Variants in UBAP2 observed in about 807,000 individuals in gnomAD.
UBAP2 encodes ubiquitin associated protein 2.
In UBAP2, 75 loss-of-function variants were observed where a neutral mutation model predicts 139.6. The ratio of observed to expected loss-of-function variants is 0.54; its 90% CI spans 0.45 to 0.65. The LOEUF (loss-of-function observed/expected upper bound fraction) is 0.65, where lower values mean the gene tolerates loss of function less well. Among genes scored for constraint, UBAP2 ranks in the 30% least tolerant of loss-of-function variants. The probability of loss-of-function intolerance (pLI) is 0.00; values close to 1 mark genes in which losing one functional copy is unlikely to be tolerated. For synonymous variants in UBAP2, 526 were observed against 526.2 expected (o/e 1.00, Z 0.01); for missense variants, 1,368 against 1,369.6 (o/e 1.00, Z 0.02).
intron 21 of UBAP2, 109 bp from the exon 22 acceptor site, chr9:33,926,773 A>C: frequency 8.4e-7 from 1 of 1,191,650 alleles, no homozygotes; most frequent in Non-Finnish European, 1.3e-6. Flanking sequence ...ACACCCGGGA[A>C]TGGGATCTGG....
At chr9:34,004,438 T>C (rs1002538350) in intron 2 of UBAP2, among the ~76,000 whole-genome samples, 1 of 151,406 alleles carries the variant, frequency 6.6e-6, no homozygotes, top group Non-Finnish European at 1.5e-5. Flanking sequence ...TGAGCCAAGA[T>C]GGCGCCACTG....
At chr9:33,983,943 ACT>A in intron 6 of UBAP2, among the ~76,000 whole-genome samples, 1 of 151,630 alleles carries the variant, frequency 6.6e-6, no homozygotes, top group East Asian at 1.9e-4. Context: ...ACAGAGCATC[ACT>A]CTGTCACACA....
intron 10 of UBAP2, among the ~76,000 whole-genome samples, chr9:33,960,421 GAGATA>G (rs1484363009): frequency 6.6e-6 from 1 of 152,140 alleles, no homozygotes; most frequent in Non-Finnish European, 1.5e-5. Context: ...AAGCCAAGAT[GAGATA>G]AGATGTCTCA....
intron 4 of UBAP2, among the ~76,000 whole-genome samples, chr9:33,990,754 A>G (rs1353918673): frequency 6.7e-6 from 1 of 149,436 alleles, no homozygotes; most frequent in African/African-American, 2.5e-5. Flanking sequence ...CTCCTGTCTC[A>G]GCCTCCCGAG....
At chr9:33,925,264 C>A (rs978470927) in intron 22 of UBAP2, among the ~76,000 whole-genome samples, 1 of 152,190 alleles carries the variant, frequency 6.6e-6, no homozygotes, top group African/African-American at 2.4e-5. Flanking sequence ...CCCATAGCAG[C>A]CTAGAACCCC....
intron 1 of UBAP2, among the ~76,000 whole-genome samples, chr9:34,021,837 T>A (rs554468062): frequency 6.6e-6 from 1 of 152,266 alleles, no homozygotes; most frequent in African/African-American, 2.4e-5. Context: ...TCTCAACTTG[T>A]TGGTCAGGCT....
chr9:33,933,549 C>T lies in UBAP2; in HGVS notation c.2049G>A (p.Leu683=). The part of the protein sequence containing the change: ...LPSTTSCTAL[L]PSTSQHTGDL... ...CGCCAGTGTGCTGGGATGTGGACGGCAGAAGTGCAGTGCAGGAGGTGGTGC... is the reference window on the plus strand; with the variant it reads ...CGCCAGTGTGCTGGGATGTGGACGGTAGAAGTGCAGTGCAGGAGGTGGTGC... Residue 683 remains leucine (L), a synonymous_variant, in exon 18 of 29, where the codon CTG becomes CTA. Coordinates refer to ENST00000379238, the MANE Select transcript of UBAP2 (RefSeq NM_001370062.2). 4 of 1,613,990 alleles carry T rather than the reference C, an allele frequency of 2.5e-6. No homozygotes were observed. Among genetic ancestry groups the T allele is most frequent in the Non-Finnish European group, 3.4e-6 (4 of 1,180,014 alleles).
intron 1 of UBAP2, among the ~76,000 whole-genome samples, chr9:34,037,784 G>A (rs1173103715): frequency 6.6e-6 from 1 of 151,944 alleles, no homozygotes; most frequent in Admixed American, 6.6e-5. Flanking sequence ...CACAAACCCT[G>A]ACTGGATGGG....
intron 2 of UBAP2, among the ~76,000 whole-genome samples, chr9:34,006,268 C>A (rs1391406852): frequency 6.6e-6 from 1 of 150,858 alleles, no homozygotes; most frequent in Non-Finnish European, 1.5e-5. Flanking sequence ...AAGAACTGGA[C>A]TCTAAAAGAA....
intron 2 of UBAP2, among the ~76,000 whole-genome samples, chr9:34,010,200 G>C (rs1181583020): frequency 3.4e-5 from 5 of 147,416 alleles, no homozygotes; most frequent in Non-Finnish European, 7.5e-5. Context: ...AAGGCGGGCA[G>C]ATCACCTGAG....
At chr9:34,008,922 G>A (rs1373681591) in intron 2 of UBAP2, among the ~76,000 whole-genome samples, 6 of 122,554 alleles carry the variant, frequency 4.9e-5, no homozygotes, top group African/African-American at 1.9e-4. Context: ...CCAAGGTCAC[G>A]CCACTGCACT....
At chr9:33,933,288 G>A (rs1824162763) in intron 18 of UBAP2, among the ~76,000 whole-genome samples, 1 of 152,188 alleles carries the variant, frequency 6.6e-6, no homozygotes. Flanking sequence ...GCCAGCAGAG[G>A]CGGTACAAGC....
intron 1 of UBAP2, among the ~76,000 whole-genome samples, chr9:34,021,780 C>T (rs1824965106): frequency 6.6e-6 from 1 of 152,002 alleles, no homozygotes; most frequent in South Asian, 2.1e-4. Flanking sequence ...ACTACAGACG[C>T]CTGCCACCAC....
At chr9:34,008,318 C>CA (rs35956096) in intron 2 of UBAP2, among the ~76,000 whole-genome samples, 19,423 of 112,864 alleles carry the variant, frequency 0.17, 1,970 homozygotes, top group African/African-American at 0.31. Context: ...AACTCCGTCT[C>CA]AAAAAAAAAA....
chr9:33,971,870 A>G, intron 7 of UBAP2, 116 bp from the exon 8 acceptor site: 1 of 640,460 alleles, frequency 1.6e-6, no homozygotes, highest in Non-Finnish European at 2.8e-6. Flanking sequence ...AGCCACTGTA[A>G]AAGACATCAC....
At position 33,923,384 on chromosome 9, in the gene UBAP2, C is replaced by T. The variant is rs772660248; in HGVS notation, c.2891G>A (p.Ser964Asn). ...QASGYGQHGY[S>N]TGYDDLTQGT... ...GTCTGGGAAGTACCCCTCACCTGTA[C>T]TGTAGCCGTGCTGGCCATAACCACT... is the stretch of plus-strand genomic sequence containing the variant. Residue 964 changes from serine to asparagine, a missense_variant, in exon 25 of 29, where the codon AGT (serine) becomes AAT (asparagine). Coordinates refer to ENST00000379238, the MANE Select transcript of UBAP2 (RefSeq NM_001370062.2). The T allele has an allele frequency of 4.3e-6, 7 of 1,614,180 alleles. No homozygotes were observed. The highest frequency in any genetic ancestry group is 2.2e-5 in the East Asian group (1 of 44,880).
chr9:34,031,431 C>T (rs909790592), intron 1 of UBAP2, among the ~76,000 whole-genome samples: 12 of 152,094 alleles, frequency 7.9e-5, no homozygotes, highest in Non-Finnish European at 1.6e-4. Flanking sequence ...CCTTGGCCTC[C>T]TGAGTAGCTG....
chr9:34,019,495 G>A (rs527248867), intron 1 of UBAP2, among the ~76,000 whole-genome samples: 2 of 152,102 alleles, frequency 1.3e-5, no homozygotes, highest in Non-Finnish European at 2.9e-5. Flanking sequence ...TAGAATGGTA[G>A]TTACCAGAGG....
chr9:33,948,676 G>A, intron 12 of UBAP2, 89 bp from the exon 13 acceptor site: 1 of 1,082,424 alleles, frequency 9.2e-7, no homozygotes, highest in Non-Finnish European at 1.4e-6. Context: ...TCACAAGTAT[G>A]TTAAAACCTA....
Sources: allele counts gnomAD v4.1 joint callset (sites outside exome capture counted in the v4.1 genomes callset), GRCh38; gene constraint gnomAD v4.1.1; transcripts MANE v1.5; gene names NCBI Gene and HGNC (gene_info 2026-07-23, HGNC 2026-07-21).